ZNF8: variants seen among roughly 807,000 people sequenced by gnomAD.
The protein encoded by ZNF8 is zinc finger protein 8.
In ZNF8, 9 loss-of-function variants were observed where a neutral mutation model predicts 12.2. The ratio of observed to expected loss-of-function variants is 0.73; its 90% CI spans 0.44 to 1.28. ZNF8 has a LOEUF of 1.28. ZNF8 is among the 50% of genes most tolerant of loss of function. ZNF8 has a pLI of 0.00. For synonymous variants in ZNF8, 274 were observed against 282.3 expected, an observed-to-expected ratio of 0.97 and a Z score of 0.30; for missense variants, 664 against 729.1, an observed-to-expected ratio of 0.91 and a Z score of 1.03.
Position 58,296,890 on chromosome 19 carries a change from G to A in ZNF8, c.*1354G>A, listed in dbSNP as rs1657345518. The A allele has an allele frequency of 6.6e-6, 1 of 152,174 alleles. No individual in the cohort carries two copies. The highest frequency in any genetic ancestry group is 2.4e-5 in the African/African-American group (1 of 41,422). The allele number at this position is 152,174 out of a possible 1,614,324, so 9.4% of individuals were successfully genotyped here. A position where few individuals can be genotyped will look rare whatever the true frequency, so the allele number is the denominator to read the frequency against. ...GCTCAAATGTCAATAGTGCCAAGGT[G>A]GAGAAGCCACCTGGGTATAAACCCA... is the stretch of plus-strand genomic sequence containing the variant. On this transcript the variant is annotated 3_prime_UTR_variant, in exon 4 of 4. Coordinates refer to ENST00000621650, the MANE Select transcript of ZNF8 (RefSeq NM_021089.3).
chr19:58,284,587 G>A (rs953095645), intron 1 of ZNF8, among the ~76,000 whole-genome samples: 5 of 152,190 alleles, frequency 3.3e-5, no homozygotes, highest in Non-Finnish European at 5.9e-5. Context: ...GGCGGCTCCC[G>A]CCTGTAATCC....
chr19:58,286,410 G>T (rs1164253530), intron 3 of ZNF8: 6 of 478,626 alleles, frequency 1.3e-5, no homozygotes, highest in Non-Finnish European at 2.3e-5. Context: ...AAGTTCAGAG[G>T]AAGCCAGGCA....
chr19:58,298,671 T>C lies in ZNF8; in HGVS notation c.*3135T>C, dbSNP rs980358022. 4.6e-5 allele frequency: 7 copies of C among 152,154 alleles called. No individual in the cohort carries two copies. The highest frequency in any genetic ancestry group is 1.4e-4 in the African/African-American group (6 of 41,422). 9.4% of individuals were successfully genotyped at this position (152,154 alleles called of 1,614,324 possible). A position where few individuals can be genotyped will look rare whatever the true frequency, so the allele number is the denominator to read the frequency against. On this transcript the variant is annotated 3_prime_UTR_variant, in exon 4 of 4. Coordinates refer to ENST00000621650, the MANE Select transcript of ZNF8 (RefSeq NM_021089.3). The stretch of plus-strand genomic sequence containing the variant: ...ATGAAACGGGAAAAATTAATTTTGT[T>C]AAATCTCAAGTAGAACTATATTGTC...
chr19:58,287,638 CTTTTT>C (rs35340103), intron 3 of ZNF8, among the ~76,000 whole-genome samples: 3 of 64,868 alleles, frequency 4.6e-5, no homozygotes, highest in African/African-American at 1.2e-4. Context: ...TGCACCTGGC[CTTTTT>C]TTTTTTTTTT....
intron 3 of ZNF8, among the ~76,000 whole-genome samples, chr19:58,289,221 C>T (rs943701415): frequency 6.6e-6 from 1 of 152,156 alleles, no homozygotes; most frequent in Non-Finnish European, 1.5e-5. Flanking sequence ...TTTGGCTGGA[C>T]GCAGTGGCTC....
intron 1 of ZNF8, 76 bp from the exon 2 acceptor site, chr19:58,285,641 C>G: frequency 1.2e-6 from 2 of 1,609,958 alleles, no homozygotes; most frequent in Non-Finnish European, 8.5e-7. Context: ...CCTGTTTTCT[C>G]CTTTTCCATT....
chr19:58,294,070 G>C lies in ZNF8; in HGVS notation c.290-28G>C. On this transcript the variant is annotated intron_variant, in intron 3 of 3. Coordinates refer to ENST00000621650, the MANE Select transcript of ZNF8 (RefSeq NM_021089.3). This position sits in a 1 kb window ranked among gnomAD's most constrained non-coding sequence, Gnocchi z 5.5. ...CCCCTTCCGTTTTTTTCTCCCAACA[G>C]CTCAGAGATCTTTGGGTTTTCTTTC... The C allele has an allele frequency of 6.4e-7, 1 of 1,571,726 alleles. No individual in the cohort carries two copies. Among genetic ancestry groups the C allele is most frequent in the Non-Finnish European group, 8.7e-7 (1 of 1,155,774 alleles).
At position 58,289,180 on chromosome 19, in the gene ZNF8, C is replaced by T. The variant is rs115940368; in HGVS notation, c.289+2975C>T. 7.3e-3 allele frequency among the ~76,000 whole-genome samples: 1,104 copies of T among 152,258 alleles called. 13 individuals are homozygous for T. Among genetic ancestry groups the T allele is most frequent in the African/African-American group, 0.025 (1,045 of 41,538 alleles). ...TTCCTGTTGCTCCTGTAACAAAGTACCACAATCTAGGTGGCTTGAAAAAGC... is the reference window on the plus strand; with the variant it reads ...TTCCTGTTGCTCCTGTAACAAAGTATCACAATCTAGGTGGCTTGAAAAAGC... On this transcript the variant is annotated intron_variant, in intron 3 of 3. Transcript: ENST00000621650.
chr19:58,291,625 C>A (rs2051420169), intron 3 of ZNF8, among the ~76,000 whole-genome samples: 1 of 152,148 alleles, frequency 6.6e-6, no homozygotes. Context: ...CAAAGAATGA[C>A]AGGAAAGGCT....
chr19:58,298,223 G>T lies in ZNF8; in HGVS notation c.*2687G>T, dbSNP rs972006658. 2 of 152,008 alleles carry T rather than the reference G, an allele frequency of 1.3e-5. No individual in the cohort carries two copies. Among genetic ancestry groups the T allele is most frequent in the African/African-American group, 2.4e-5 (1 of 41,350 alleles). The allele number at this position is 152,008 out of a possible 1,614,324, so 9.4% of individuals were successfully genotyped here. ...TTTTTGTATTTTTAGTAGAGATGGG[G>T]TTTCACCATGTTAGACAGGATGGTG... is the stretch of plus-strand genomic sequence containing the variant. On this transcript the variant is annotated 3_prime_UTR_variant, in exon 4 of 4. Transcript: ENST00000621650.
chr19:58,290,313 A>G (rs1208375429), intron 3 of ZNF8, among the ~76,000 whole-genome samples: 1 of 147,410 alleles, frequency 6.8e-6, no homozygotes, highest in East Asian at 2.0e-4. Flanking sequence ...ACGGGGTTTC[A>G]CCGTGTTGGC....
intron 3 of ZNF8, among the ~76,000 whole-genome samples, chr19:58,290,184 G>A (rs2051409837): frequency 6.9e-6 from 1 of 144,236 alleles, no homozygotes; most frequent in South Asian, 2.1e-4. Flanking sequence ...CGCAATCTCG[G>A]CTCATTGCAA....
In ZNF8 at chr19:58,279,380, C is replaced by T. The variant is rs559931120; in HGVS notation, c.66+233C>T. On this transcript the variant is annotated intron_variant, in intron 1 of 3. Coordinates refer to ENST00000621650, the MANE Select transcript of ZNF8 (RefSeq NM_021089.3). ...ATGCGCATGCTCCACGCGGCTCTGTCCTCCCCAGGGCTGGGGTCGGTCATT... is the reference window on the plus strand; with the variant it reads ...ATGCGCATGCTCCACGCGGCTCTGTTCTCCCCAGGGCTGGGGTCGGTCATT... The T allele has an allele frequency of 5.6e-5, 82 of 1,455,178 alleles. No individual in the cohort carries two copies. In the East Asian group the frequency reaches 1.9e-3, roughly 35 times the overall value. The allele number at this position is 1,455,178 out of a possible 1,614,324, so 90.1% of individuals were successfully genotyped here. A position where few individuals can be genotyped will look rare whatever the true frequency, so the allele number is the denominator to read the frequency against.
Position 58,294,053 on chromosome 19 carries a change from GT to G in ZNF8, c.290-38del. The G allele has an allele frequency of 6.5e-7, 1 of 1,541,396 alleles. No individual in the cohort carries two copies. The highest frequency in any genetic ancestry group is 2.0e-5 in the Admixed American group (1 of 51,132). On this transcript the variant is annotated intron_variant, in intron 3 of 3. Transcript: ENST00000621650. This position sits in a 1 kb window ranked among gnomAD's most constrained non-coding sequence, Gnocchi z 5.5. Reference sequence around the variant, plus strand: ...GGTGTTGGAGGCCTGTCCCCCTTCCGTTTTTTTCTCCCAACAGCTCAGAGAT... The same window carrying G: ...GGTGTTGGAGGCCTGTCCCCCTTCCGTTTTTTCTCCCAACAGCTCAGAGAT...
At chr19:58,282,217 C>T (rs926857988) in intron 1 of ZNF8, among the ~76,000 whole-genome samples, 5 of 152,172 alleles carry the variant, frequency 3.3e-5, no homozygotes, top group African/African-American at 1.2e-4. Context: ...TTTCATTTCC[C>T]TGATGACTAA....
chr19:58,285,800 C>T lies in ZNF8; in HGVS notation c.150C>T (p.Tyr50=), dbSNP rs762673608. The T allele has an allele frequency of 1.6e-5, 26 of 1,613,912 alleles. No homozygotes were observed. Among genetic ancestry groups the T allele is most frequent in the Middle Eastern group, 1.6e-4 (1 of 6,084 alleles). Residue 50 remains tyrosine (Y), a synonymous_variant, in exon 2 of 4, where the codon TAC becomes TAT. Transcript: ENST00000621650. The part of the protein sequence containing the change: ...GQLDPTQRIL[Y]RDVMLETFGH... ...TGGACCCTACCCAGAGGATCCTCTACCGTGACGTGATGCTGGAGACCTTTG... is the reference window on the plus strand; with the variant it reads ...TGGACCCTACCCAGAGGATCCTCTATCGTGACGTGATGCTGGAGACCTTTG...
intron 1 of ZNF8, 47 bp downstream of exon 1, chr19:58,279,194 C>T: frequency 6.5e-7 from 1 of 1,542,180 alleles, no homozygotes; most frequent in Non-Finnish European, 8.7e-7. Flanking sequence ...GGGCAAGCGT[C>T]TCCCGCGCAG....
At chr19:58,293,141 G>C (rs1474612429) in intron 3 of ZNF8, among the ~76,000 whole-genome samples, 1 of 152,090 alleles carries the variant, frequency 6.6e-6, no homozygotes, top group Non-Finnish European at 1.5e-5. Context: ...TAGAGACAGG[G>C]TTGGCCAGGC....
chr19:58,294,770 CT>C lies in ZNF8; in HGVS notation c.965del (p.Phe322SerfsTer67). 1 of 1,614,182 alleles carries C rather than the reference CT, an allele frequency of 6.2e-7. No individual in the cohort carries two copies. The highest frequency in any genetic ancestry group is 1.1e-5 in the South Asian group (1 of 91,078). On this transcript the variant is annotated frameshift_variant, in exon 4 of 4. Coordinates refer to ENST00000621650, the MANE Select transcript of ZNF8 (RefSeq NM_021089.3). LOFTEE classifies it low-confidence loss of function (END_TRUNC). This position sits in a 1 kb window ranked among gnomAD's most constrained non-coding sequence, Gnocchi z 5.5. Reference protein sequence around the residue: ...KPYKCAECGKSFCHSTHLTVH... With the variant: ...KPYKCAECGKXFCHSTHLTVH... ...TACAAGTGTGCCGAATGTGGGAAGT[CT>C]TTCTGCCATAGTACACACCTTACCG...
Sources: allele counts gnomAD v4.1 joint callset (sites outside exome capture counted in the v4.1 genomes callset), GRCh38; gene constraint gnomAD v4.1.1; non-coding constraint Gnocchi (gnomAD v3.1); transcripts MANE v1.5; gene names NCBI Gene and HGNC (gene_info 2026-07-23, HGNC 2026-07-21).